MYOM2: variants seen among roughly 807,000 people sequenced by gnomAD.
The protein encoded by MYOM2 is myomesin 2.
MYOM2 carries 254 observed loss-of-function variants against 187.6 expected under a neutral mutation model. The observed-to-expected ratio is 1.35, with a 90% CI of 1.22 to 1.50. MYOM2 has a LOEUF of 1.50. MYOM2 is among the 40% of genes most tolerant of loss of function. The pLI, the probability that MYOM2 is intolerant of heterozygous loss-of-function variation, is 0.00. For synonymous variants in MYOM2, 981 were observed against 753.8 expected, an observed-to-expected ratio of 1.30 and a Z score of -4.94; for missense variants, 2,796 against 1,924.0, an observed-to-expected ratio of 1.45 and a Z score of -8.48.
Position 2,052,204 on chromosome 8 carries a change from T to C in MYOM2, c.154T>C (p.Ser52Pro), listed in dbSNP as rs1275001411. The C allele has an allele frequency of 1.2e-6, 2 of 1,613,224 alleles. No homozygotes were observed. Among genetic ancestry groups the C allele is most frequent in the South Asian group, 2.2e-5 (2 of 90,754 alleles). ...TTCCCAGAAGTCCTTGAGTCAGCGG[T>C]CGTCTTCACAGAGAGCCTCCAGCCA... ...ASSQKSLSQR[S>P]SSQRASSQTS... is the part of the protein sequence containing the mutation. Residue 52 changes from serine (S) to proline (P), a missense_variant, in exon 3 of 37, where the codon TCG becomes CCG. Physicochemically the swap from Ser to Pro is moderately conservative, Grantham distance 74. Coordinates refer to ENST00000262113, the MANE Select transcript of MYOM2 (RefSeq NM_003970.4).
chr8:2,097,973 C>CGGG (rs1796552175), intron 18 of MYOM2: 1 of 151,820 alleles, frequency 6.6e-6, no homozygotes, highest in South Asian at 2.1e-4. Context: ...CGGCACCCGC[C>CGGG]CCTCAGCTCC....
intron 14 of MYOM2, 92 bp downstream of exon 14, chr8:2,085,482 C>CGCGTGGCCCCCTACTGTCGTGATCTCT (rs1819798496): frequency 7.6e-7 from 1 of 1,321,150 alleles, no homozygotes; most frequent in Non-Finnish European, 1.0e-6. Context: ...TCGTGATCTC[C>CGCGTGGCCCCCTACTGTCGTGATCTCT]GCGTGGCCCC....
intron 28 of MYOM2, among the ~76,000 whole-genome samples, chr8:2,119,937 C>G (rs570826106): frequency 6.6e-6 from 1 of 151,664 alleles, no homozygotes; most frequent in Non-Finnish European, 1.5e-5. Context: ...CAGTGCAGCC[C>G]GTTGGTTTCA....
At chr8:2,061,764 C>T (rs1411124336) in intron 6 of MYOM2, among the ~76,000 whole-genome samples, 1 of 152,244 alleles carries the variant, frequency 6.6e-6, no homozygotes, top group Non-Finnish European at 1.5e-5. Context: ...TACCTCATTT[C>T]TCCAGATAAA....
rs1563414701 is a variant in MYOM2, at chr8:2,054,935, A to ATGGGGGAACCAAGTACCTGGATAC, written c.264-2404_264-2403insCAAGTACCTGGATACTGGGGGAAC. ...TACTGGGGAACCAAGTACCTGGATA[A>ATGGGGGAACCAAGTACCTGGATAC]TGGGGGAACGAAGTACCTGGATACT... On this transcript the variant is annotated intron_variant, in intron 3 of 36. Transcript: ENST00000262113. 3.1e-3 allele frequency among the ~76,000 whole-genome samples: 245 copies of ATGGGGGAACCAAGTACCTGGATAC among 79,464 alleles called. 11 individuals carry two copies. The highest frequency in any genetic ancestry group is 9.6e-3 in the African/African-American group (214 of 22,354). The allele number at this position is 79,464 out of a possible 152,430, so 52.1% of individuals were successfully genotyped here.
intron 1 of MYOM2, among the ~76,000 whole-genome samples, chr8:2,047,981 C>T (rs998109184): frequency 1.3e-5 from 2 of 152,234 alleles, no homozygotes; most frequent in East Asian, 1.9e-4. Flanking sequence ...GTTTCACATT[C>T]TTCCAGGTCT....
At chr8:2,073,554 AG>A in intron 10 of MYOM2, 54 bp downstream of exon 10, 1 of 1,530,392 alleles carries the variant, frequency 6.5e-7, no homozygotes, top group Admixed American at 1.9e-5. Flanking sequence ...CGGGGAGGGG[AG>A]GCAGCCCTGG....
At chr8:2,096,641 G>T (rs1031473910) in intron 18 of MYOM2, among the ~76,000 whole-genome samples, 1 of 152,232 alleles carries the variant, frequency 6.6e-6, no homozygotes, top group African/African-American at 2.4e-5. Flanking sequence ...GAAGAAGGGA[G>T]CTCAGTGATG....
rs1158711389 is a variant in MYOM2, at chr8:2,073,381, G to C, written c.1001G>C (p.Gly334Ala). The C allele has an allele frequency of 6.2e-7, 1 of 1,613,008 alleles. No homozygotes were observed. Among genetic ancestry groups the C allele is most frequent in the African/African-American group, 1.3e-5 (1 of 74,930 alleles). The change falls in exon 10 of 37, where the codon GGA becomes GCA. Residue 334 changes from glycine to alanine, a missense_variant. Transcript: ENST00000262113. ...TCCAAGTGGACGAAGATGTTCTTTG[G>C]AGAAGGCCAGGCCTCCCTGTCCTTC... ...KESKWTKMFF[G>A]EGQASLSFSH...
chr8:2,116,276 G>A lies in MYOM2; in HGVS notation c.3385+1G>A, dbSNP rs750080520. 6.2e-7 allele frequency: 1 copy of A among 1,612,396 alleles called. No individual in the cohort carries two copies. Among genetic ancestry groups the A allele is most frequent in the Non-Finnish European group, 8.5e-7 (1 of 1,179,030 alleles). On this transcript the variant is annotated splice_donor_variant, in intron 27 of 36. Coordinates refer to ENST00000262113, the MANE Select transcript of MYOM2 (RefSeq NM_003970.4). LOFTEE classifies it high-confidence loss of function. ...AGGAAAGAATTTCTCAGGAAACAAG[G>A]TGAGTTTCCTCACTCTGACCGGCTC...
intron 27 of MYOM2, among the ~76,000 whole-genome samples, chr8:2,116,595 C>G (rs118155174): frequency 6.6e-6 from 1 of 152,096 alleles, no homozygotes; most frequent in Admixed American, 6.6e-5. Flanking sequence ...ATTCCTATCA[C>G]CAGGAAATTG....
At chr8:2,131,707 G>A (rs1410741044) in intron 32 of MYOM2, among the ~76,000 whole-genome samples, 6 of 144,532 alleles carry the variant, frequency 4.2e-5, no homozygotes, top group African/African-American at 1.3e-4. Context: ...GCAGTGGTGC[G>A]ATCTCGGCTC....
chr8:2,106,445 T>C, intron 22 of MYOM2, 46 bp from the exon 23 acceptor site: 1 of 1,610,524 alleles, frequency 6.2e-7, no homozygotes, highest in Non-Finnish European at 8.5e-7. Flanking sequence ...TAGAAGTTCC[T>C]GCAAACAGAA....
chr8:2,078,042 T>C (rs1039527830), intron 11 of MYOM2, among the ~76,000 whole-genome samples: 2 of 152,200 alleles, frequency 1.3e-5, no homozygotes, highest in African/African-American at 2.4e-5. Flanking sequence ...CTCCCAACAC[T>C]GATTTTCTGA....
intron 23 of MYOM2, among the ~76,000 whole-genome samples, chr8:2,108,190 G>A (rs1257672179): frequency 6.6e-6 from 1 of 152,080 alleles, no homozygotes; most frequent in East Asian, 1.9e-4. Flanking sequence ...GTGGCTTAGA[G>A]CCCAGATTTT....
chr8:2,080,336 C>T (rs2040494889), intron 13 of MYOM2, among the ~76,000 whole-genome samples: 1 of 152,206 alleles, frequency 6.6e-6, no homozygotes, highest in East Asian at 1.9e-4. Context: ...GACTCAAAAG[C>T]GTTTTCTGGA....
Position 2,057,386 on chromosome 8 carries a change from G to A in MYOM2, c.302G>A (p.Arg101Gln), listed in dbSNP as rs765470534. The part of the protein sequence containing the change: ...SLVAAYGEAK[R>Q]QRFLSELAHL... Reference sequence around the variant, plus strand: ...GTGGCCGCCTATGGTGAGGCCAAGCGACAGCGCTTCCTCAGCGAGCTGGCC... The same window carrying A: ...GTGGCCGCCTATGGTGAGGCCAAGCAACAGCGCTTCCTCAGCGAGCTGGCC... Residue 101 changes from arginine (R) to glutamine (Q), a missense_variant, in exon 4 of 37, where the codon CGA (arginine) becomes CAA (glutamine). Physicochemically the swap from Arg to Gln is conservative, Grantham distance 43. Coordinates refer to ENST00000262113, the MANE Select transcript of MYOM2 (RefSeq NM_003970.4). 10 of 1,613,598 alleles carry A rather than the reference G, an allele frequency of 6.2e-6. No individual in the cohort carries two copies. Among genetic ancestry groups the A allele is most frequent in the African/African-American group, 4.0e-5 (3 of 74,922 alleles).
At chr8:2,132,585 C>A (rs1395833010) in intron 32 of MYOM2, among the ~76,000 whole-genome samples, 1 of 141,082 alleles carries the variant, frequency 7.1e-6, no homozygotes, top group East Asian at 2.2e-4. Context: ...CTCTCTTTCT[C>A]TCTCTCTCTC....
At chr8:2,130,811 T>C (rs866156199) in intron 32 of MYOM2, among the ~76,000 whole-genome samples, 2 of 152,228 alleles carry the variant, frequency 1.3e-5, no homozygotes, top group African/African-American at 2.4e-5. Flanking sequence ...ACTAGAACTC[T>C]GGTGAGTTTT....
Sources: allele counts gnomAD v4.1 joint callset (sites outside exome capture counted in the v4.1 genomes callset), GRCh38; gene constraint gnomAD v4.1.1; transcripts MANE v1.5; gene names NCBI Gene and HGNC (gene_info 2026-07-23, HGNC 2026-07-21).